Variants in GOLGA6L7 observed in about 807,000 individuals in gnomAD.
The protein encoded by GOLGA6L7 is golgin subfamily A member 6-like protein 7.
GOLGA6L7 carries 29 observed loss-of-function variants against 68.9 expected under a neutral mutation model. That is an observed-to-expected ratio of 0.42 (90% CI 0.31 to 0.57). The LOEUF (loss-of-function observed/expected upper bound fraction) is 0.57, where lower values mean the gene tolerates loss of function less well. Ranked by LOEUF, GOLGA6L7 falls within the 20% of genes least tolerant of loss-of-function variation. The pLI, the probability that GOLGA6L7 is intolerant of heterozygous loss-of-function variation, is 0.13. For missense variants in GOLGA6L7, 396 were observed against 588.4 expected (o/e 0.67, Z 3.38); for synonymous variants, 133 against 197.4 (o/e 0.67, Z 2.73).
chr15:28,844,080 G>A lies in GOLGA6L7; in HGVS notation c.521+125C>T, dbSNP rs529607014. ...AGTCAGTGGCACAGCCGGCACTGGA[G>A]CTTCCCTGCACACACATGTAAACCT... On this transcript the variant is annotated intron_variant, in intron 7 of 8. Coordinates refer to ENST00000567390, the MANE Select transcript of GOLGA6L7 (RefSeq NM_001365371.2). The A allele has an allele frequency of 9.1e-5, 52 of 572,052 alleles. No homozygotes were observed. The Admixed American group carries it at 1.2e-3, about 13-fold the overall frequency. The allele number at this position is 572,052 out of a possible 1,614,324, so 35.4% of individuals were successfully genotyped here.
Position 28,842,227 on chromosome 15 carries a change from C to T in GOLGA6L7, c.*8G>A, listed in dbSNP as rs969131190. On this transcript the variant is annotated 3_prime_UTR_variant, in exon 9 of 9. Coordinates refer to ENST00000567390, the MANE Select transcript of GOLGA6L7 (RefSeq NM_001365371.2). ...TTACACTTCTGTAGGCCTTGTTGAC[C>T]GTTCTTTTTAGATACTGATGATCTT... 2.2e-5 allele frequency: 27 copies of T among 1,227,688 alleles called. No homozygotes were observed. The highest frequency in any genetic ancestry group is 2.1e-4 in the Admixed American group (5 of 23,680). The allele number at this position is 1,227,688 out of a possible 1,614,324, so 76.0% of individuals were successfully genotyped here.
In GOLGA6L7 at chr15:28,842,990, G is replaced by C. The variant is rs1176631864; in HGVS notation, c.1114C>G (p.Gln372Glu). 2.0e-5 allele frequency: 25 copies of C among 1,219,572 alleles called. No homozygotes were observed. The East Asian group carries it at 5.1e-4, about 25-fold the overall frequency. The allele number at this position is 1,219,572 out of a possible 1,614,324, so 75.5% of individuals were successfully genotyped here. A position where few individuals can be genotyped will look rare whatever the true frequency, so the allele number is the denominator to read the frequency against. The stretch of plus-strand genomic sequence containing the variant: ...TCCTGCTTCCGCATCTGCTCCTCCT[G>C]CTCCCCTATCTGCTCCTCCTGCTTC... ...MWKQEEQIGEQEEQMRKQEEQ... is the reference protein window; with the variant it reads ...MWKQEEQIGEEEEQMRKQEEQ... Residue 372 changes from glutamine (Q) to glutamate (E), a missense_variant, in exon 9 of 9, where the codon CAG (glutamine) becomes GAG (glutamate). Physicochemically the swap from Gln to Glu is conservative, Grantham distance 29. Around this residue, in one of 5 missense-constraint regions of GOLGA6L7, gnomAD observed 114 missense variants for 186.0 expected, o/e 0.61. Coordinates refer to ENST00000567390, the MANE Select transcript of GOLGA6L7 (RefSeq NM_001365371.2).
chr15:28,848,392 C>T (rs186891245), intron 1 of GOLGA6L7, 107 bp downstream of exon 1: 9,959 of 653,318 alleles, frequency 0.015, 202 homozygotes, highest in East Asian at 0.078. Flanking sequence ...GGGGGGGGCC[C>T]GGCCCTGCGT....
chr15:28,845,058 T>C (rs1241250307), intron 6 of GOLGA6L7: 1 of 286,412 alleles, frequency 3.5e-6, no homozygotes, highest in Non-Finnish European at 6.7e-6. Flanking sequence ...CCAACACTGT[T>C]CCTCTCTCCT....
Position 28,842,859 on chromosome 15 carries a change from CAT to C in GOLGA6L7, c.1243_1244del (p.Met415GlufsTer94). ...WKQEEQMGEQ[M>X]RKQEEQMGEQ... ...CCCCCATCTGCTCCTCCTGCTTCCT[CAT>C]CTGCTCCCCCATCTGCTCCTCCTGC... On this transcript the variant is annotated frameshift_variant, in exon 9 of 9. Transcript: ENST00000567390. LOFTEE classifies it high-confidence loss of function. The C allele has an allele frequency of 1.6e-6, 2 of 1,233,880 alleles. No homozygotes were observed. The highest frequency in any genetic ancestry group is 3.8e-5 in the South Asian group (1 of 26,512). The allele number at this position is 1,233,880 out of a possible 1,614,324, so 76.4% of individuals were successfully genotyped here.
At chr15:28,843,502 C>T (rs1333347004) in intron 8 of GOLGA6L7, 62 bp from the exon 9 acceptor site, 16 of 462,058 alleles carry the variant, frequency 3.5e-5, no homozygotes, top group South Asian at 6.9e-5. Flanking sequence ...TAACGGTTTT[C>T]GTCTATGATT....
rs1402294096 is a variant in GOLGA6L7, at chr15:28,844,271, C to G, written c.463-8G>C. ...TGTTAACTCCTTGATGTACTGCAAA[C>G]AGAGAAAGGTCAAGTCAGGATACAG... is the stretch of plus-strand genomic sequence containing the variant. On this transcript the variant is annotated splice_polypyrimidine_tract_variant and splice_region_variant and intron_variant, in intron 6 of 8. Transcript: ENST00000567390. 6 of 381,510 alleles carry G rather than the reference C, an allele frequency of 1.6e-5. No homozygotes were observed. Among genetic ancestry groups the G allele is most frequent in the African/African-American group, 4.3e-5 (2 of 46,738 alleles). The allele number at this position is 381,510 out of a possible 1,614,324, so 23.6% of individuals were successfully genotyped here.
chr15:28,847,092 G>A lies in GOLGA6L7; in HGVS notation c.152C>T (p.Thr51Ile), dbSNP rs761491378. The A allele has an allele frequency of 5.5e-6, 6 of 1,087,688 alleles. No homozygotes were observed. The East Asian group carries it at 9.9e-5, about 18-fold the overall frequency. 67.4% of individuals were successfully genotyped at this position (1,087,688 alleles called of 1,614,324 possible). Residue 51 changes from threonine (T) to isoleucine (I), a missense_variant, in exon 2 of 9, where the codon ACT becomes ATT. Thr to Ile is a moderately conservative substitution (Grantham distance 89). This residue lies in a region of GOLGA6L7 where 18 missense variants were observed against 56.5 expected (regional missense o/e 0.32). Coordinates refer to ENST00000567390, the MANE Select transcript of GOLGA6L7 (RefSeq NM_001365371.2). The stretch of plus-strand genomic sequence containing the variant: ...CTCAGGCGAGTGGCAGCCCCCCGAA[G>A]TGGTTGTCTCAGGGTTAGCGCCATG... ...INHGANPETTTSGGCHSPEDK... is the reference protein window; with the variant it reads ...INHGANPETTISGGCHSPEDK...
intron 3 of GOLGA6L7, 43 bp downstream of exon 3, chr15:28,846,177 A>T: frequency 1.4e-6 from 1 of 729,788 alleles, no homozygotes; most frequent in South Asian, 1.4e-5. Flanking sequence ...GTGCCCCCCA[A>T]ACCCAGCGGT....
Position 28,842,301 on chromosome 15 carries a change from G to A in GOLGA6L7, c.1803C>T (p.Gly601=). ...MKNAQERPGL[G]STSCIPFFYG... ...AGAAGAATGGGATGCAGGAGGTGCTGCCTAAGCCTGGGCGCTCCTGGGCGT... is the reference window on the plus strand; with the variant it reads ...AGAAGAATGGGATGCAGGAGGTGCTACCTAAGCCTGGGCGCTCCTGGGCGT... Residue 601 remains glycine (G), a synonymous_variant, in exon 9 of 9, where the codon GGC becomes GGT. Coordinates refer to ENST00000567390, the MANE Select transcript of GOLGA6L7 (RefSeq NM_001365371.2). 8.1e-7 allele frequency: 1 copy of A among 1,230,974 alleles called. No homozygotes were observed. The highest frequency in any genetic ancestry group is 4.1e-5 in the South Asian group (1 of 24,310). The allele number at this position is 1,230,974 out of a possible 1,614,324, so 76.3% of individuals were successfully genotyped here.
In GOLGA6L7 at chr15:28,842,136, A is replaced by G. The variant is rs2030207632; in HGVS notation, c.*99T>C. On this transcript the variant is annotated 3_prime_UTR_variant, in exon 9 of 9. Coordinates refer to ENST00000567390, the MANE Select transcript of GOLGA6L7 (RefSeq NM_001365371.2). ...CGTGCCCGGCCAGTATTTTGCCACA[A>G]TTTAAAATAAATTTTCTTTTTTTCA... 9.2e-7 allele frequency: 1 copy of G among 1,091,134 alleles called. No homozygotes were observed. Among genetic ancestry groups the G allele is most frequent in the African/African-American group, 1.6e-5 (1 of 60,766 alleles). 67.6% of individuals were successfully genotyped at this position (1,091,134 alleles called of 1,614,324 possible).
Position 28,848,582 on chromosome 15 carries a change from T to C in GOLGA6L7, c.-33A>G, listed in dbSNP as rs1287466603. 1.4e-6 allele frequency: 1 copy of C among 715,668 alleles called. No individual in the cohort carries two copies. Among genetic ancestry groups the C allele is most frequent in the Non-Finnish European group, 2.6e-6 (1 of 391,396 alleles). The allele number at this position is 715,668 out of a possible 1,614,324, so 44.3% of individuals were successfully genotyped here. ...GGAGGGTGGTGGGGTTGGGGTCACA[T>C]TGGCGTGATCCAGGCGAGGACAGTG... is the stretch of plus-strand genomic sequence containing the variant. On this transcript the variant is annotated 5_prime_UTR_variant, in exon 1 of 9. The change abolishes an upstream ATG in the 5' untranslated region. Coordinates refer to ENST00000567390, the MANE Select transcript of GOLGA6L7 (RefSeq NM_001365371.2).
rs1247357163 is a variant in GOLGA6L7 at position 28,842,636 on chromosome 15, C to T, written c.1468G>A (p.Glu490Lys). ...EQEEQMGEQE[E>K]QMRKQVERLQ... ...CTCTCCACCTGCTTCCGCATCTGCT[C>T]CTCCTGCTCCCCCATCTGCTCCTCC... Residue 490 changes from glutamate to lysine, a missense_variant, in exon 9 of 9, where the codon GAG becomes AAG. This residue lies in a region of GOLGA6L7 where 125 missense variants were observed against 163.3 expected (regional missense o/e 0.77). Coordinates refer to ENST00000567390, the MANE Select transcript of GOLGA6L7 (RefSeq NM_001365371.2). The T allele has an allele frequency of 5.4e-6, 7 of 1,306,598 alleles. No individual in the cohort carries two copies. In the African/African-American group the frequency reaches 7.6e-5, roughly 14 times the overall value. The allele number at this position is 1,306,598 out of a possible 1,614,324, so 80.9% of individuals were successfully genotyped here. A position where few individuals can be genotyped will look rare whatever the true frequency, so the allele number is the denominator to read the frequency against.
At position 28,842,952 on chromosome 15, in the gene GOLGA6L7, C is replaced by T; in HGVS notation, c.1152G>A (p.Trp384Ter). Residue 384 changes from tryptophan to a stop codon, truncating the protein, a stop_gained, in exon 9 of 9, where the codon TGG becomes TGA. Coordinates refer to ENST00000567390, the MANE Select transcript of GOLGA6L7 (RefSeq NM_001365371.2). LOFTEE classifies it high-confidence loss of function. ...EQMRKQEEQM[W>*]KQEEQIGEQE... ...GCTCCCCTATCTGCTCCTCCTGCTT[C>T]CACATCTGCTCCTCCTGCTTCCGCA... 8.3e-7 allele frequency: 1 copy of T among 1,198,822 alleles called. No individual in the cohort carries two copies. The highest frequency in any genetic ancestry group is 1.0e-6 in the Non-Finnish European group (1 of 984,370). 74.3% of individuals were successfully genotyped at this position (1,198,822 alleles called of 1,614,324 possible).
rs1363152884 is a variant in GOLGA6L7 at position 28,842,951 on chromosome 15, T to G, written c.1153A>C (p.Lys385Gln). The change falls in exon 9 of 9, where the codon AAG becomes CAG. Residue 385 changes from lysine to glutamine, a missense_variant. By Grantham distance (53) the Lys-to-Gln change is moderately conservative (BLOSUM62 1). Coordinates refer to ENST00000567390, the MANE Select transcript of GOLGA6L7 (RefSeq NM_001365371.2). ...QMRKQEEQMWKQEEQIGEQEE... is the reference protein window; with the variant it reads ...QMRKQEEQMWQQEEQIGEQEE... ...TGCTCCCCTATCTGCTCCTCCTGCT[T>G]CCACATCTGCTCCTCCTGCTTCCGC... is the stretch of plus-strand genomic sequence containing the variant. The G allele has an allele frequency of 1.8e-6, 2 of 1,126,304 alleles. No individual in the cohort carries two copies. The highest frequency in any genetic ancestry group is 8.8e-5 in the East Asian group (2 of 22,786). The allele number at this position is 1,126,304 out of a possible 1,614,324, so 69.8% of individuals were successfully genotyped here.
rs1172901453 is a variant in GOLGA6L7 at position 28,842,473 on chromosome 15, C to T, written c.1631G>A (p.Arg544Gln). The change falls in exon 9 of 9, where the codon CGG (arginine) becomes CAG (glutamine). Residue 544 changes from arginine (R) to glutamine (Q), a missense_variant. Around this residue, in one of 5 missense-constraint regions of GOLGA6L7, gnomAD observed 125 missense variants for 163.3 expected, o/e 0.77. Coordinates refer to ENST00000567390, the MANE Select transcript of GOLGA6L7 (RefSeq NM_001365371.2). ...MGEQEKTQEE[R>Q]CSEPCLPPSK... ...GGGAGGGAGGCAGGGCTCTGAGCAC[C>T]GCTCCTCCTGCGTCTTCTCCTGCTC... is the stretch of plus-strand genomic sequence containing the variant. The T allele has an allele frequency of 1.5e-5, 17 of 1,145,916 alleles. No homozygotes were observed. In the East Asian group the frequency reaches 2.2e-4, roughly 15 times the overall value. The allele number at this position is 1,145,916 out of a possible 1,614,324, so 71.0% of individuals were successfully genotyped here.
rs2030401460 is a variant in GOLGA6L7 at position 28,845,762 on chromosome 15, T to C, written c.311A>G (p.Glu104Gly). ...RILMCQKTEL[E>G]TALHDSQDAA... ...ATCCTGGCTGTCATGGAGCGCTGTC[T>C]CCAGTTCAGTTTTCTGACACATAAG... is the stretch of plus-strand genomic sequence containing the variant. Residue 104 changes from glutamate (E) to glycine (G), a missense_variant, in exon 5 of 9, where the codon GAG becomes GGG. Around this residue, in one of 5 missense-constraint regions of GOLGA6L7, gnomAD observed 125 missense variants for 119.4 expected, o/e 1.05. Coordinates refer to ENST00000567390, the MANE Select transcript of GOLGA6L7 (RefSeq NM_001365371.2). 1 of 793,696 alleles carries C rather than the reference T, an allele frequency of 1.3e-6. No homozygotes were observed. Among genetic ancestry groups the C allele is most frequent in the Non-Finnish European group, 2.2e-6 (1 of 450,350 alleles). 49.2% of individuals were successfully genotyped at this position (793,696 alleles called of 1,614,324 possible). A position where few individuals can be genotyped will look rare whatever the true frequency, so the allele number is the denominator to read the frequency against.
chr15:28,844,093 C>T, intron 7 of GOLGA6L7, 112 bp downstream of exon 7: 1 of 564,600 alleles, frequency 1.8e-6, no homozygotes, highest in Non-Finnish European at 3.1e-6. Flanking sequence ...TCCCTGCACA[C>T]ACATGTAAAC....
At position 28,846,871 on chromosome 15, in the gene GOLGA6L7, G is replaced by A. The variant is rs575170943; in HGVS notation, c.180+193C>T. The A allele has an allele frequency of 4.4e-5, 23 of 527,428 alleles. 1 individual carries two copies. In the South Asian group the frequency reaches 5.2e-4, roughly 12 times the overall value. The allele number at this position is 527,428 out of a possible 1,614,324, so 32.7% of individuals were successfully genotyped here. A position where few individuals can be genotyped will look rare whatever the true frequency, so the allele number is the denominator to read the frequency against. On this transcript the variant is annotated intron_variant, in intron 2 of 8. Transcript: ENST00000567390. ...ACATTACCATCCCCATTTTACAGATGTGAAAAGAGAGGCCCAAAGAGCTCG... is the reference window on the plus strand; with the variant it reads ...ACATTACCATCCCCATTTTACAGATATGAAAAGAGAGGCCCAAAGAGCTCG...
Sources: gnomAD v4.1 joint callset for allele counts on GRCh38, gnomAD v4.1.1 for gene constraint, gnomAD v4.1.1 regional missense constraint, MANE v1.5 for transcripts, NCBI Gene and HGNC (gene_info 2026-07-23, HGNC 2026-07-21) for gene names.